PPP2R5C: variants seen among roughly 807,000 people sequenced by gnomAD.
PPP2R5C encodes the protein serine/threonine-protein phosphatase 2A 56 kDa regulatory subunit gamma isoform.
In PPP2R5C, 7 loss-of-function variants were observed where a neutral mutation model predicts 68.9. That is an observed-to-expected ratio of 0.10 (90% CI 0.06 to 0.19). PPP2R5C has a LOEUF of 0.19. Among genes scored for constraint, PPP2R5C ranks in the 10% least tolerant of loss-of-function variants. PPP2R5C has a pLI of 1.00. For synonymous variants in PPP2R5C, 210 were observed against 222.2 expected (o/e 0.95, Z 0.49); for missense variants, 348 against 641.3 (o/e 0.54, Z 4.94).
intron 2 of PPP2R5C, among the ~76,000 whole-genome samples, chr14:101,772,437 A>G (rs1345972804): frequency 6.6e-6 from 1 of 152,068 alleles, no homozygotes; most frequent in Non-Finnish European, 1.5e-5. Context: ...TTCTTTATAG[A>G]CATTTTCTCT....
intron 1 of PPP2R5C, among the ~76,000 whole-genome samples, chr14:101,816,869 T>TA (rs2039707658): frequency 7.1e-6 from 1 of 140,404 alleles, no homozygotes; most frequent in East Asian, 2.0e-4. Flanking sequence ...TATATATTTA[T>TA]TTATATATAT....
chr14:101,810,065 G>T, intron 1 of PPP2R5C: 1 of 1,593,458 alleles, frequency 6.3e-7, no homozygotes, highest in Non-Finnish European at 8.6e-7. Context: ...CACTGAATCG[G>T]AACCTTCCGT....
At chr14:101,919,969 C>CCA (rs775818748) in intron 13 of PPP2R5C, among the ~76,000 whole-genome samples, 1,280 of 52,648 alleles carry the variant, frequency 0.024, 16 homozygotes, top group East Asian at 0.038. Context: ...AACTCCGTCT[C>CCA]AAAAAAAAAA....
At chr14:101,909,843 A>ATAACGTAT (rs2046286514) in intron 11 of PPP2R5C, among the ~76,000 whole-genome samples, 153 bp downstream of exon 13, 1 of 152,222 alleles carries the variant, frequency 6.6e-6, no homozygotes, top group Non-Finnish European at 1.5e-5. Context: ...CTGTGTTATA[A>ATAACGTAT]TAACGTATTT....
chr14:101,912,552 A>AT, intron 12 of PPP2R5C, 79 bp downstream of exon 14: 1 of 1,423,828 alleles, frequency 7.0e-7, no homozygotes, highest in Non-Finnish European at 9.2e-7. Context: ...TGTCTTCACC[A>AT]TGGGGGGGGT....
At chr14:101,851,036 C>G (rs2042127832) in intron 1 of PPP2R5C, among the ~76,000 whole-genome samples, 3 of 152,188 alleles carry the variant, frequency 2.0e-5, no homozygotes, top group Admixed American at 2.0e-4. Context: ...CCTGCCTTTC[C>G]GAGAGCTTGA....
At chr14:101,890,547 G>A (rs545811534) in intron 6 of PPP2R5C, among the ~76,000 whole-genome samples, 6 of 152,250 alleles carry the variant, frequency 3.9e-5, no homozygotes, top group South Asian at 2.1e-4. Flanking sequence ...CATTACTATG[G>A]AAACACAATT....
chr14:101,887,877 G>C (rs2044628919), intron 5 of PPP2R5C, among the ~76,000 whole-genome samples: 1 of 152,174 alleles, frequency 6.6e-6, no homozygotes, highest in African/African-American at 2.4e-5. Context: ...TAGTGTCTGG[G>C]GGGTCTGATT....
Position 101,891,916 on chromosome 14 carries a change from CTT to C in PPP2R5C, c.690-1081_690-1080del, listed in dbSNP as rs1279152936. Among the ~76,000 whole-genome samples, 1 of 152,184 alleles carries C rather than the reference CTT, an allele frequency of 6.6e-6. No individual in the cohort carries two copies. The highest frequency in any genetic ancestry group is 1.9e-4 in the East Asian group (1 of 5,192). On this transcript the variant is annotated intron_variant, in intron 6 of 13. Coordinates refer to ENST00000334743, the Ensembl canonical transcript of PPP2R5C. This position sits in a 1 kb window ranked among gnomAD's most constrained non-coding sequence, Gnocchi z 4.9. ...GCTTTGGAGGCTCTAGGTAGGACCT[CTT>C]TTCTTGCACAAGGGAACAGCTTTCT...
At chr14:101,880,546 A>G (rs2044095333) in intron 2 of PPP2R5C, among the ~76,000 whole-genome samples, 1 of 152,246 alleles carries the variant, frequency 6.6e-6, no homozygotes, top group African/African-American at 2.4e-5. Flanking sequence ...CTCTAATTCC[A>G]GTACTTTGGG....
intron 3 of PPP2R5C, among the ~76,000 whole-genome samples, chr14:101,804,305 A>T (rs1440572751): frequency 6.6e-6 from 1 of 152,222 alleles, no homozygotes; most frequent in Non-Finnish European, 1.5e-5. Context: ...TATAAAGAAC[A>T]GTTTGGATGT....
intron 2 of PPP2R5C, among the ~76,000 whole-genome samples, chr14:101,873,594 C>T (rs1214791434): frequency 6.6e-6 from 1 of 152,160 alleles, no homozygotes; most frequent in Non-Finnish European, 1.5e-5. Context: ...ACTGGGTTCT[C>T]ACTAATCCTT....
intron 2 of PPP2R5C, among the ~76,000 whole-genome samples, chr14:101,871,558 A>T (rs937711047): frequency 1.3e-5 from 2 of 151,920 alleles, no homozygotes; most frequent in Non-Finnish European, 2.9e-5. Flanking sequence ...TTGCTTTTTT[A>T]TTCAGTCAGA....
intron 5 of PPP2R5C, 130 bp from the exon 8 acceptor site, chr14:101,890,107 T>A (rs2044769727): frequency 1.2e-6 from 1 of 832,892 alleles, no homozygotes; most frequent in African/African-American, 1.7e-5. Context: ...GGCTGCTTGC[T>A]CACCACGAGC....
chr14:101,832,309 A>G (rs1211815138), intron 1 of PPP2R5C, among the ~76,000 whole-genome samples: 1 of 152,246 alleles, frequency 6.6e-6, no homozygotes, highest in East Asian at 1.9e-4. Flanking sequence ...AGTTATTTTA[A>G]GTGATTCAGA....
At chr14:101,925,579 C>T (rs992350235) in exon 14 of PPP2R5C, 17 of 227,324 alleles carry the variant, frequency 7.5e-5, no homozygotes, top group Non-Finnish European at 8.6e-5. Flanking sequence ...CCTTCATCTT[C>T]ATGTTCTCCC....
intron 1 of PPP2R5C, among the ~76,000 whole-genome samples, chr14:101,816,549 G>A (rs924671431): frequency 6.6e-6 from 1 of 152,242 alleles, no homozygotes; most frequent in South Asian, 2.1e-4. Context: ...CATTTTGAAG[G>A]CAGCTGGAGA....
At chr14:101,855,177 A>G (rs2042351540) in intron 1 of PPP2R5C, among the ~76,000 whole-genome samples, 1 of 152,234 alleles carries the variant, frequency 6.6e-6, no homozygotes, top group South Asian at 2.1e-4. Context: ...CTCTAAAAGA[A>G]AGAAAGAAAA....
rs1566845684 is a variant in PPP2R5C, at chr14:101,797,149, G to A, written c.259+10966G>A. 3.9e-5 allele frequency: 18 copies of A among 455,818 alleles called. No homozygotes were observed. Among genetic ancestry groups the A allele is most frequent in the South Asian group, 2.0e-4 (13 of 64,560 alleles). 28.2% of individuals were successfully genotyped at this position (455,818 alleles called of 1,614,324 possible). A position where few individuals can be genotyped will look rare whatever the true frequency, so the allele number is the denominator to read the frequency against. ...CCCACAGTAGGAGCCTCTTAGAAGC[G>A]GAATCGTACAGTATCTGTCTTTCTG... On this transcript the variant is annotated intron_variant, in intron 3 of 14. Coordinates refer to the PPP2R5C transcript ENST00000328724. This position sits in a 1 kb window ranked among gnomAD's most constrained non-coding sequence, Gnocchi z 4.2.
Sources: gnomAD v4.1 joint callset for allele counts (sites outside exome capture counted in the v4.1 genomes callset) on GRCh38, gnomAD v4.1.1 for gene constraint, Gnocchi (gnomAD v3.1) non-coding constraint, MANE v1.5 for transcripts, NCBI Gene and HGNC (gene_info 2026-07-23, HGNC 2026-07-21) for gene names.